CNTN5: variants seen among roughly 807,000 people sequenced by gnomAD.
CNTN5 encodes contactin-5.
A neutral mutation model predicts 129.1 loss-of-function variants in CNTN5; 77 were observed. The ratio of observed to expected loss-of-function variants is 0.60; its 90% confidence interval spans 0.50 to 0.72. The LOEUF is 0.72. Among genes scored for constraint, CNTN5 ranks in the 30% least tolerant of loss-of-function variants. The pLI is 0.00. For missense variants in CNTN5, 1,478 were observed against 1,328.8 expected, an observed-to-expected ratio of 1.11 and a Z score of -1.75; for synonymous variants, 509 against 465.6, an observed-to-expected ratio of 1.09 and a Z score of -1.20.
chr11:99,745,490 T>A (rs1006133357), intron 3 of CNTN5, among the ~76,000 whole-genome samples: 7 of 146,152 alleles, frequency 4.8e-5, no homozygotes, highest in African/African-American at 1.8e-4. Flanking sequence ...AGCTAATGAG[T>A]TTTTTGCTCT....
intron 21 of CNTN5, among the ~76,000 whole-genome samples, chr11:100,332,200 T>C (rs764947846): frequency 6.6e-6 from 1 of 152,098 alleles, no homozygotes; most frequent in Non-Finnish European, 1.5e-5. Flanking sequence ...AAGGCTATGA[T>C]GAACACCTTT....
intron 3 of CNTN5, among the ~76,000 whole-genome samples, chr11:99,591,178 T>C (rs1005733109): frequency 6.6e-6 from 1 of 152,102 alleles, no homozygotes; most frequent in African/African-American, 2.4e-5. Context: ...GTGTATCTTT[T>C]TGATGGTTCT....
In CNTN5 at chr11:99,082,463, G is replaced by A. The variant is rs59738195; in HGVS notation, c.-210+61193G>A. Among the ~76,000 whole-genome samples the A allele has an allele frequency of 0.014, 2,110 of 152,266 alleles. 228 individuals are homozygous for A. In the East Asian group the frequency reaches 0.29, roughly 21 times the overall value. ...CCTCCAAAGTGCTGGAATTACAGGC[G>A]TGAGCCACCACGCCAGGCCAAAAAC... On this transcript the variant is annotated intron_variant, in intron 1 of 24. Transcript: ENST00000524871.
At chr11:99,819,324 C>CCTCTCCTCTCCTCCCCTGTT (rs1591249145) in intron 3 of CNTN5, among the ~76,000 whole-genome samples, 1 of 84,826 alleles carries the variant, frequency 1.2e-5, no homozygotes, top group Non-Finnish European at 2.3e-5. Context: ...CCTCCCCTCC[C>CCTCTCCTCTCCTCCCCTGTT]CTCCCCTCCC....
intron 3 of CNTN5, among the ~76,000 whole-genome samples, chr11:99,707,518 A>G (rs1000611658): frequency 6.6e-6 from 1 of 151,724 alleles, no homozygotes; most frequent in Non-Finnish European, 1.5e-5. Context: ...AGTGAAGATA[A>G]TAACAAACTA....
At chr11:100,291,961 C>T (rs1950991529) in intron 18 of CNTN5, among the ~76,000 whole-genome samples, 1 of 151,756 alleles carries the variant, frequency 6.6e-6, no homozygotes, top group African/African-American at 2.4e-5. Context: ...GATCCCAAAC[C>T]TCAGCCTCAA....
chr11:99,843,722 T>C (rs1465227857), intron 4 of CNTN5, among the ~76,000 whole-genome samples: 1 of 152,102 alleles, frequency 6.6e-6, no homozygotes, highest in Admixed American at 6.5e-5. Flanking sequence ...CCACGGATGC[T>C]GCTAACCATT....
chr11:99,092,212 C>A (rs36063616), intron 1 of CNTN5, among the ~76,000 whole-genome samples: 13,430 of 152,138 alleles, frequency 0.088, 756 homozygotes, highest in Non-Finnish European at 0.13. Flanking sequence ...ATCAATATAA[C>A]CTTTCTAACA....
In CNTN5 at chr11:99,575,977, A is replaced by G. The variant is rs572208213; in HGVS notation, c.55+19708A>G. Among the ~76,000 whole-genome samples, 11 of 152,308 alleles carry G rather than the reference A, an allele frequency of 7.2e-5. No homozygotes were observed. The South Asian group carries it at 2.1e-3, about 29-fold the overall frequency. ...ATCCGTACTTGGACAACTACCACACAGAGGGCCCCGGTGGCCACATCACAG... is the reference window on the plus strand; with the variant it reads ...ATCCGTACTTGGACAACTACCACACGGAGGGCCCCGGTGGCCACATCACAG... On this transcript the variant is annotated intron_variant, in intron 3 of 24. Transcript: ENST00000524871.
intron 2 of CNTN5, among the ~76,000 whole-genome samples, chr11:99,375,635 T>C (rs1940135729): frequency 6.6e-6 from 1 of 152,126 alleles, no homozygotes; most frequent in Non-Finnish European, 1.5e-5. Context: ...ATTACAAAAA[T>C]ATAAGAGTGA....
At chr11:99,441,783 C>A (rs1192744913) in intron 2 of CNTN5, among the ~76,000 whole-genome samples, 1 of 152,162 alleles carries the variant, frequency 6.6e-6, no homozygotes, top group African/African-American at 2.4e-5. Flanking sequence ...AATCTTACAG[C>A]TTGGCTCAGA....
chr11:99,165,517 A>G (rs1470361426), intron 1 of CNTN5, among the ~76,000 whole-genome samples: 1 of 152,138 alleles, frequency 6.6e-6, no homozygotes, highest in Admixed American at 6.5e-5. Context: ...AAGGACACCA[A>G]CTTTATTTTT....
At chr11:99,652,931 A>G (rs1290988968) in intron 3 of CNTN5, among the ~76,000 whole-genome samples, 1 of 152,036 alleles carries the variant, frequency 6.6e-6, no homozygotes, top group Non-Finnish European at 1.5e-5. Context: ...AAGTTCTTTA[A>G]AAAGGAGTTC....
intron 1 of CNTN5, among the ~76,000 whole-genome samples, chr11:99,201,913 ACTTGT>A (rs1173904636): frequency 1.3e-5 from 2 of 152,202 alleles, no homozygotes; most frequent in Non-Finnish European, 2.9e-5. Flanking sequence ...AAGATAGTAG[ACTTGT>A]CTTGTTTAAG....
rs75521747 is a variant in CNTN5 at position 99,508,009 on chromosome 11, C to T, written c.-70-48136C>T. Among the ~76,000 whole-genome samples the T allele has an allele frequency of 6.3e-3, 957 of 152,246 alleles. 8 individuals carry two copies. The highest frequency in any genetic ancestry group is 0.022 in the African/African-American group (900 of 41,526). The stretch of plus-strand genomic sequence containing the variant: ...TCACTTCATTACAGAGCAACATCAG[C>T]TCTACTAAAATGGAAGTTAATATAG... On this transcript the variant is annotated intron_variant, in intron 2 of 24. Transcript: ENST00000524871.
At chr11:99,970,295 G>A (rs934334808) in intron 8 of CNTN5, among the ~76,000 whole-genome samples, 28 of 152,168 alleles carry the variant, frequency 1.8e-4, no homozygotes, top group African/African-American at 6.8e-4. Flanking sequence ...TAGCAAAGAA[G>A]TGAGGCCATA....
intron 3 of CNTN5, among the ~76,000 whole-genome samples, chr11:99,661,616 T>C (rs1241439849): frequency 1.3e-5 from 2 of 152,152 alleles, no homozygotes; most frequent in Non-Finnish European, 2.9e-5. Flanking sequence ...GTGTCCCCAC[T>C]ATGCCGGGTA....
chr11:99,379,371 G>C (rs930567809), intron 2 of CNTN5, among the ~76,000 whole-genome samples: 9 of 151,846 alleles, frequency 5.9e-5, no homozygotes, highest in Non-Finnish European at 2.9e-5. Flanking sequence ...TCATGGTAGT[G>C]GGAAGATATT....
At chr11:99,026,971 T>C (rs766126764) in intron 1 of CNTN5, among the ~76,000 whole-genome samples, 1 of 151,628 alleles carries the variant, frequency 6.6e-6, no homozygotes, top group African/African-American at 2.4e-5. Context: ...GATCCAATTA[T>C]ATTAACTCAG....
Sources: allele counts gnomAD v4.1 joint callset (sites outside exome capture counted in the v4.1 genomes callset), GRCh38; gene constraint gnomAD v4.1.1; transcripts MANE v1.5; gene names NCBI Gene and HGNC (gene_info 2026-07-23, HGNC 2026-07-21).